Variants in MED13L observed in about 807,000 individuals in gnomAD.
MED13L encodes the protein mediator complex subunit 13L.
In MED13L, 7 loss-of-function variants were observed where a neutral mutation model predicts 220.9. The observed-to-expected ratio is 0.03, with a 90% CI of 0.02 to 0.06. The LOEUF is 0.06. Ranked by LOEUF, MED13L falls within the 10% of genes least tolerant of loss-of-function variation. The pLI, the probability that MED13L is intolerant of heterozygous loss-of-function variation, is 1.00. For synonymous variants in MED13L, 1,011 were observed against 1,015.2 expected (o/e 1.00, Z 0.08); for missense variants, 1,965 against 2,760.5 (o/e 0.71, Z 6.46).
intron 4 of MED13L, among the ~76,000 whole-genome samples, chr12:116,054,213 AACACAC>A (rs58217261): frequency 1.5e-5 from 2 of 131,034 alleles, no homozygotes; most frequent in African/African-American, 2.6e-5. Flanking sequence ...CACACACACA[AACACAC>A]ACACACACAC....
At chr12:116,114,561 T>C (rs1388975784) in intron 2 of MED13L, among the ~76,000 whole-genome samples, 1 of 152,194 alleles carries the variant, frequency 6.6e-6, no homozygotes, top group Non-Finnish European at 1.5e-5. Context: ...TCATACTTAG[T>C]GGCAAAAGAC....
chr12:116,216,597 T>A (rs534911149), intron 2 of MED13L, among the ~76,000 whole-genome samples: 37 of 152,298 alleles, frequency 2.4e-4, no homozygotes, highest in African/African-American at 8.7e-4. Flanking sequence ...AAGTGACGGC[T>A]GCTCACAGAG....
rs111573980 is a variant in MED13L, at chr12:116,213,474, C to T, written c.310+23994G>A. ...TTGCCCAGGCTGGAGTGCAATGGCG[C>T]AATCTCAGCTCACTGCAACCTCTGC... On this transcript the variant is annotated intron_variant, in intron 2 of 30. Transcript: ENST00000281928. Among the ~76,000 whole-genome samples the T allele has an allele frequency of 8.4e-3, 1,283 of 152,328 alleles. 8 individuals carry two copies. The highest frequency in any genetic ancestry group is 0.014 in the Non-Finnish European group (937 of 68,022).
Position 115,999,883 on chromosome 12 carries a change from C to T in MED13L, c.2570-2653G>A, listed in dbSNP as rs150733469. Among the ~76,000 whole-genome samples the T allele has an allele frequency of 5.9e-5, 9 of 152,272 alleles. No homozygotes were observed. In the East Asian group the frequency reaches 1.7e-3, roughly 29 times the overall value. Reference sequence around the variant, plus strand: ...CACACAAAAAAGCAGGGATGAAATTCTACCTCCAAGAGAGTCACTTTATAA... The same window carrying T: ...CACACAAAAAAGCAGGGATGAAATTTTACCTCCAAGAGAGTCACTTTATAA... On this transcript the variant is annotated intron_variant, in intron 14 of 30. Transcript: ENST00000281928.
intron 2 of MED13L, among the ~76,000 whole-genome samples, chr12:116,141,140 T>C (rs1256630829): frequency 6.6e-6 from 1 of 152,214 alleles, no homozygotes; most frequent in Non-Finnish European, 1.5e-5. Flanking sequence ...CACAACCTTA[T>C]GACAAGGCAA....
intron 2 of MED13L, among the ~76,000 whole-genome samples, chr12:116,140,017 A>C (rs557773160): frequency 1.6e-4 from 25 of 151,678 alleles, no homozygotes; most frequent in South Asian, 1.5e-3. Context: ...GATGAATGCC[A>C]ACTAACACAG....
intron 1 of MED13L, among the ~76,000 whole-genome samples, chr12:116,266,198 T>C (rs1477824032): frequency 1.3e-5 from 2 of 152,234 alleles, no homozygotes; most frequent in Non-Finnish European, 2.9e-5. Context: ...AATTCCCTTT[T>C]CATCCCATTG....
chr12:116,017,401 T>C (rs1234441550), intron 7 of MED13L, among the ~76,000 whole-genome samples: 1 of 152,226 alleles, frequency 6.6e-6, no homozygotes, highest in African/African-American at 2.4e-5. Flanking sequence ...AGTGGATAAC[T>C]TAATGTAGTG....
chr12:116,084,607 T>C (rs1045694060), intron 4 of MED13L, among the ~76,000 whole-genome samples: 11 of 152,178 alleles, frequency 7.2e-5, no homozygotes, highest in African/African-American at 2.2e-4. Flanking sequence ...TATTTTCTGA[T>C]ATAAAGCTTA....
intron 2 of MED13L, among the ~76,000 whole-genome samples, chr12:116,202,503 A>C (rs1882063556): frequency 1.3e-5 from 2 of 152,216 alleles, no homozygotes; most frequent in South Asian, 4.1e-4. Flanking sequence ...CAAATATTAT[A>C]GCTATCCAGA....
At chr12:116,269,996 C>T (rs1283167242) in intron 1 of MED13L, among the ~76,000 whole-genome samples, 2 of 150,470 alleles carry the variant, frequency 1.3e-5, no homozygotes, top group Admixed American at 1.3e-4. Context: ...TTCTAAAAAG[C>T]ACTTTATTAA....
At chr12:116,136,456 G>A (rs1393907526) in intron 2 of MED13L, among the ~76,000 whole-genome samples, 1 of 152,134 alleles carries the variant, frequency 6.6e-6, no homozygotes, top group African/African-American at 2.4e-5. Context: ...GTGTGTGTAT[G>A]AGAGAGAGGG....
chr12:116,116,155 T>C (rs1242113361), intron 2 of MED13L, among the ~76,000 whole-genome samples: 2 of 152,158 alleles, frequency 1.3e-5, no homozygotes, highest in African/African-American at 2.4e-5. Context: ...GTGGCCTAGA[T>C]AGCCTCAGGA....
chr12:116,021,655 T>A (rs1379326364), intron 5 of MED13L, among the ~76,000 whole-genome samples: 1 of 152,166 alleles, frequency 6.6e-6, no homozygotes, highest in Non-Finnish European at 1.5e-5. Context: ...AATATCAGTG[T>A]TTTTTAAAAT....
chr12:116,189,262 T>A (rs1373114812), intron 2 of MED13L, among the ~76,000 whole-genome samples: 3 of 152,190 alleles, frequency 2.0e-5, no homozygotes, highest in Non-Finnish European at 2.9e-5. Flanking sequence ...TGGTAAAAAC[T>A]AATGATGCTG....
intron 2 of MED13L, among the ~76,000 whole-genome samples, chr12:116,196,282 T>C (rs1451670216): frequency 6.6e-6 from 1 of 152,080 alleles, no homozygotes; most frequent in East Asian, 1.9e-4. Context: ...GGCCAAATTG[T>C]GTACAGAATA....
At chr12:116,152,811 A>G (rs1245121908) in intron 2 of MED13L, among the ~76,000 whole-genome samples, 1 of 152,194 alleles carries the variant, frequency 6.6e-6, no homozygotes. Context: ...ACTTTCAAGA[A>G]AAAGTAGACA....
chr12:116,066,347 A>C (rs998131106), intron 4 of MED13L, among the ~76,000 whole-genome samples: 19 of 152,220 alleles, frequency 1.2e-4, no homozygotes, highest in Non-Finnish European at 4.4e-5. Context: ...CTTTCTATGC[A>C]AAGAAAACTC....
chr12:116,148,051 C>CAAAAAAAAAAAAAAAAAAA lies in MED13L; in HGVS notation c.311-36558_311-36540dup, dbSNP rs10678970. Among the ~76,000 whole-genome samples the CAAAAAAAAAAAAAAAAAAA allele has an allele frequency of 1.7e-4, 3 of 18,140 alleles. 1 individual carries two copies. Among genetic ancestry groups the CAAAAAAAAAAAAAAAAAAA allele is most frequent in the African/African-American group, 2.4e-4 (1 of 4,240 alleles). 11.9% of individuals were successfully genotyped at this position (18,140 alleles called of 152,430 possible). On this transcript the variant is annotated intron_variant, in intron 2 of 30. Transcript: ENST00000281928. ...TGGGCTACAGAGCAAGACCCCATCT[C>CAAAAAAAAAAAAAAAAAAA]AAAAAAAAAAAAAAAAAAAAAAAGA...
Sources: allele counts gnomAD v4.1 joint callset (sites outside exome capture counted in the v4.1 genomes callset), GRCh38; gene constraint gnomAD v4.1.1; transcripts MANE v1.5; gene names NCBI Gene and HGNC (gene_info 2026-07-23, HGNC 2026-07-21).